The following SDK1 variants were observed in gnomAD, a reference collection of about 807,000 sequenced individuals.
SDK1 encodes protein sidekick-1.
Under a neutral mutation model 245.5 loss-of-function variants are expected in SDK1, and 157 were observed. That is an observed-to-expected ratio of 0.64 (90% CI 0.56 to 0.73). SDK1 has a LOEUF of 0.73. Ranked by LOEUF, SDK1 falls within the 30% of genes least tolerant of loss-of-function variation. The probability of loss-of-function intolerance (pLI) is 0.00; values close to 1 mark genes in which losing one functional copy is unlikely to be tolerated. For synonymous variants in SDK1, 1,647 were observed against 1,278.5 expected, an observed-to-expected ratio of 1.29 and a Z score of -6.15; for missense variants, 3,583 against 3,002.3, an observed-to-expected ratio of 1.19 and a Z score of -4.52.
intron 22 of SDK1, among the ~76,000 whole-genome samples, chr7:4,082,840 C>T (rs1197097544): frequency 6.6e-6 from 1 of 151,934 alleles, no homozygotes; most frequent in East Asian, 2.0e-4. Context: ...AGGCTGGTCT[C>T]GAACTCCTGA....
intron 22 of SDK1, among the ~76,000 whole-genome samples, chr7:4,082,023 C>G (rs1278254710): frequency 2.0e-5 from 3 of 152,056 alleles, no homozygotes; most frequent in African/African-American, 7.2e-5. Context: ...CTGTGTGATT[C>G]CATTTATAGA....
chr7:3,473,442 G>T (rs1781246027), intron 1 of SDK1, among the ~76,000 whole-genome samples: 1 of 152,184 alleles, frequency 6.6e-6, no homozygotes, highest in Non-Finnish European at 1.5e-5. Flanking sequence ...TGTGTTTAGT[G>T]TATTGTTAGG....
chr7:4,131,841 T>G (rs914248100), intron 27 of SDK1, among the ~76,000 whole-genome samples: 1 of 100,478 alleles, frequency 1.0e-5, no homozygotes, highest in African/African-American at 3.2e-5. Flanking sequence ...TGATTGAGGA[T>G]ACACATGTTA....
chr7:3,874,898 T>C (rs781740644), intron 5 of SDK1, among the ~76,000 whole-genome samples: 3 of 152,198 alleles, frequency 2.0e-5, no homozygotes, highest in Non-Finnish European at 4.4e-5. Context: ...GTGCCTGTTC[T>C]TCCCCCACAT....
At chr7:3,940,637 A>G (rs370826355) in intron 5 of SDK1, among the ~76,000 whole-genome samples, 2 of 151,790 alleles carry the variant, frequency 1.3e-5, no homozygotes, top group South Asian at 2.1e-4. Flanking sequence ...AGCCTGGGCA[A>G]CACGATGAAA....
chr7:4,186,318 G>C (rs1352607194), intron 35 of SDK1, among the ~76,000 whole-genome samples: 3 of 152,128 alleles, frequency 2.0e-5, no homozygotes, highest in African/African-American at 7.2e-5. Flanking sequence ...GCAAGAGCAG[G>C]ACCTCCTCTC....
intron 1 of SDK1, among the ~76,000 whole-genome samples, chr7:3,373,262 T>C (rs1304718437): frequency 1.3e-5 from 2 of 152,228 alleles, no homozygotes; most frequent in African/African-American, 4.8e-5. Context: ...TCCTGTCTTA[T>C]AATCAAGTGT....
chr7:3,782,006 A>G (rs181824564), intron 4 of SDK1, among the ~76,000 whole-genome samples: 4 of 152,366 alleles, frequency 2.6e-5, no homozygotes, highest in African/African-American at 7.2e-5. Flanking sequence ...TTAAAGAAAT[A>G]ATAGCTGAAA....
At chr7:3,417,987 T>A (rs1779421438) in intron 1 of SDK1, among the ~76,000 whole-genome samples, 1 of 152,010 alleles carries the variant, frequency 6.6e-6, no homozygotes, top group South Asian at 2.1e-4. Context: ...ACAAGTGATT[T>A]CTCTACTGAG....
intron 22 of SDK1, among the ~76,000 whole-genome samples, chr7:4,105,242 C>G (rs576898428): frequency 6.2e-4 from 94 of 152,032 alleles, no homozygotes; most frequent in Non-Finnish European, 1.3e-3. Flanking sequence ...CTTGGTCTCC[C>G]AAAGTGCTGG....
rs116837758 is a variant in SDK1 at position 4,175,181 on chromosome 7, C to T, written c.4937-594C>T. Among the ~76,000 whole-genome samples the T allele has an allele frequency of 3.0e-3, 451 of 152,320 alleles. 5 individuals carry two copies. Among genetic ancestry groups the T allele is most frequent in the African/African-American group, 0.01 (434 of 41,588 alleles). Reference sequence around the variant, plus strand: ...CTCACACAGCTTGACCCCAGTACAGCGCCAGGCATGATGTTGATGAATGTT... The same window carrying T: ...CTCACACAGCTTGACCCCAGTACAGTGCCAGGCATGATGTTGATGAATGTT... On this transcript the variant is annotated intron_variant, in intron 33 of 44. Transcript: ENST00000404826.
At chr7:3,791,244 G>C (rs1377114439) in intron 4 of SDK1, among the ~76,000 whole-genome samples, 3 of 152,116 alleles carry the variant, frequency 2.0e-5, no homozygotes, top group Non-Finnish European at 4.4e-5. Context: ...GTGTAACCTA[G>C]CAACATTGTG....
intron 12 of SDK1, among the ~76,000 whole-genome samples, chr7:3,972,450 T>A (rs944845674): frequency 6.6e-6 from 1 of 152,194 alleles, no homozygotes; most frequent in Non-Finnish European, 1.5e-5. Flanking sequence ...CTGCAAAATA[T>A]GAGACTCCAG....
chr7:3,955,520 G>A (rs1781190052), intron 7 of SDK1, among the ~76,000 whole-genome samples: 1 of 152,178 alleles, frequency 6.6e-6, no homozygotes, highest in African/African-American at 2.4e-5. Context: ...GATTCCAGAG[G>A]TGTGGGTGTG....
At chr7:3,771,204 C>T (rs1041504030) in intron 4 of SDK1, among the ~76,000 whole-genome samples, 8 of 152,074 alleles carry the variant, frequency 5.3e-5, no homozygotes, top group Non-Finnish European at 1.2e-4. Context: ...TCAGCAAGCC[C>T]ACCTGGGCTT....
chr7:3,560,710 C>T (rs1779723488), intron 1 of SDK1, among the ~76,000 whole-genome samples: 2 of 152,144 alleles, frequency 1.3e-5, no homozygotes, highest in African/African-American at 4.8e-5. Flanking sequence ...AAACAGAGTT[C>T]AGACCCACGT....
At chr7:3,890,114 T>TAGG (rs768713727) in intron 5 of SDK1, among the ~76,000 whole-genome samples, 1 of 152,204 alleles carries the variant, frequency 6.6e-6, no homozygotes, top group Non-Finnish European at 1.5e-5. Flanking sequence ...GACATGGCCC[T>TAGG]AGCTCAGAGT....
chr7:3,563,541 T>G (rs1487147970), intron 1 of SDK1, among the ~76,000 whole-genome samples: 1 of 152,156 alleles, frequency 6.6e-6, no homozygotes, highest in Non-Finnish European at 1.5e-5. Flanking sequence ...TAATCTGCAA[T>G]ATAGTTTGAA....
intron 15 of SDK1, among the ~76,000 whole-genome samples, chr7:4,011,408 T>C (rs1785951680): frequency 6.6e-6 from 1 of 152,186 alleles, no homozygotes; most frequent in Non-Finnish European, 1.5e-5. Context: ...TACAGGAAAT[T>C]CAGAGCTCAC....
Sources: gnomAD v4.1 joint callset for allele counts (sites outside exome capture counted in the v4.1 genomes callset) on GRCh38, gnomAD v4.1.1 for gene constraint, MANE v1.5 for transcripts, NCBI Gene and HGNC (gene_info 2026-07-23, HGNC 2026-07-21) for gene names.